CRACD: variants seen among roughly 807,000 people sequenced by gnomAD.
The protein encoded by CRACD is capping protein-inhibiting regulator of actin dynamics.
A neutral mutation model predicts 106.8 loss-of-function variants in CRACD; 56 were observed. That is an observed-to-expected ratio of 0.52 (90% CI 0.42 to 0.66). The LOEUF is 0.66. Among genes scored for constraint, CRACD ranks in the 30% least tolerant of loss-of-function variants. The probability of loss-of-function intolerance (pLI) is 0.00; values close to 1 mark genes in which losing one functional copy is unlikely to be tolerated. For synonymous variants in CRACD, 754 were observed against 670.8 expected (o/e 1.12, Z -1.92); for missense variants, 1,730 against 1,623.2 (o/e 1.07, Z -1.13).
At chr4:56,132,768 T>G (rs988133534) in intron 1 of CRACD, among the ~76,000 whole-genome samples, 12 of 152,198 alleles carry the variant, frequency 7.9e-5, no homozygotes, top group African/African-American at 2.9e-4. Flanking sequence ...ACAGGATGAT[T>G]AGTAGTCGTG....
intron 2 of CRACD, among the ~76,000 whole-genome samples, chr4:56,212,648 TG>T (rs1738465145): frequency 6.6e-6 from 1 of 152,180 alleles, no homozygotes. Flanking sequence ...AATCTTGGCT[TG>T]GGCTCTCAGA....
At chr4:56,318,231 A>G (rs4864577) in intron 8 of CRACD, among the ~76,000 whole-genome samples, 79,858 of 151,944 alleles carry the variant, frequency 0.53, 21,351 homozygotes, top group South Asian at 0.62. Flanking sequence ...TCCTGGGATC[A>G]TGCATCCCTC....
chr4:56,055,912 C>A (rs1266832466), intron 1 of CRACD, among the ~76,000 whole-genome samples: 2 of 152,198 alleles, frequency 1.3e-5, no homozygotes, highest in African/African-American at 2.4e-5. Flanking sequence ...CAGCATGAAT[C>A]TTTCTCATGG....
chr4:56,214,975 G>A (rs1738607176), intron 2 of CRACD, among the ~76,000 whole-genome samples: 1 of 151,852 alleles, frequency 6.6e-6, no homozygotes, highest in Admixed American at 6.6e-5. Context: ...ACTCCAGCCT[G>A]GGCAACAGTG....
At chr4:56,242,843 A>G (rs17807975) in intron 2 of CRACD, among the ~76,000 whole-genome samples, 1 of 151,948 alleles carries the variant, frequency 6.6e-6, no homozygotes, top group African/African-American at 2.4e-5. Flanking sequence ...GAGGGTAGGA[A>G]CGAGGACCCT....
At chr4:56,268,358 A>G (rs1003256626) in intron 2 of CRACD, among the ~76,000 whole-genome samples, 2 of 152,048 alleles carry the variant, frequency 1.3e-5, no homozygotes, top group African/African-American at 2.4e-5. Context: ...TGGGATAATG[A>G]TGTCATAATT....
chr4:56,088,836 C>G (rs1338988191), intron 1 of CRACD, among the ~76,000 whole-genome samples: 1 of 152,184 alleles, frequency 6.6e-6, no homozygotes, highest in Non-Finnish European at 1.5e-5. Context: ...AGCAATTCTC[C>G]TGCCTCAGCC....
At chr4:56,299,894 T>A (rs1453240206) in intron 4 of CRACD, among the ~76,000 whole-genome samples, 1 of 150,530 alleles carries the variant, frequency 6.6e-6, no homozygotes, top group Non-Finnish European at 1.5e-5. Context: ...TAGCTACTGA[T>A]ATGCTGAAGC....
chr4:56,301,608 G>A (rs958610295), intron 4 of CRACD, among the ~76,000 whole-genome samples: 1 of 151,836 alleles, frequency 6.6e-6, no homozygotes, highest in Admixed American at 6.6e-5. Flanking sequence ...CCAGCCCTTC[G>A]AGTTCCTAGA....
intron 8 of CRACD, among the ~76,000 whole-genome samples, chr4:56,319,095 T>A (rs1560541327): frequency 6.6e-6 from 1 of 152,108 alleles, no homozygotes. Flanking sequence ...GTGGAAGGGA[T>A]CATTTAGTTA....
rs141316406 is a variant in CRACD at position 56,137,176 on chromosome 4, A to G, written c.-335-42108A>G. On this transcript the variant is annotated intron_variant, in intron 1 of 10. Transcript: ENST00000682029. ...CAGGCATGTGGTAGTGCATGCCTGTAATCTCGATGACTTGAGCCCCAGAAG... is the reference window on the plus strand; with the variant it reads ...CAGGCATGTGGTAGTGCATGCCTGTGATCTCGATGACTTGAGCCCCAGAAG... Among the ~76,000 whole-genome samples, 34 of 152,186 alleles carry G rather than the reference A, an allele frequency of 2.2e-4. No homozygotes were observed. In the East Asian group the frequency reaches 6.4e-3, roughly 29 times the overall value.
intron 1 of CRACD, among the ~76,000 whole-genome samples, chr4:56,115,745 A>G (rs1446137236): frequency 1.3e-5 from 2 of 152,204 alleles, no homozygotes. Flanking sequence ...AGGACCCAGG[A>G]GAATGCTATT....
chr4:56,180,489 A>T (rs970453549), intron 2 of CRACD, among the ~76,000 whole-genome samples: 1 of 146,246 alleles, frequency 6.8e-6, no homozygotes, highest in Non-Finnish European at 1.5e-5. Flanking sequence ...ACTCCATCTC[A>T]AAATAAATAA....
chr4:56,167,796 G>T (rs1736206759), intron 1 of CRACD, among the ~76,000 whole-genome samples: 1 of 152,166 alleles, frequency 6.6e-6, no homozygotes, highest in Non-Finnish European at 1.5e-5. Flanking sequence ...TGTGACATAT[G>T]TATACACAGT....
intron 1 of CRACD, among the ~76,000 whole-genome samples, chr4:56,134,434 A>G (rs1168577145): frequency 1.3e-5 from 2 of 152,042 alleles, no homozygotes; most frequent in African/African-American, 2.4e-5. Context: ...CTCCCCCGCA[A>G]TTTCATGTGT....
intron 1 of CRACD, among the ~76,000 whole-genome samples, chr4:56,103,155 A>G (rs1256964952): frequency 6.6e-6 from 1 of 152,224 alleles, no homozygotes; most frequent in Non-Finnish European, 1.5e-5. Context: ...GAGTTTTTAA[A>G]AAGCCCATTT....
At chr4:56,182,430 A>G (rs1235794404) in intron 2 of CRACD, among the ~76,000 whole-genome samples, 1 of 148,730 alleles carries the variant, frequency 6.7e-6, no homozygotes, top group East Asian at 1.9e-4. Context: ...AACAACAAAG[A>G]AACAAAAAAA....
At chr4:56,050,665 GA>G (rs1331055009) in intron 1 of CRACD, among the ~76,000 whole-genome samples, 1 of 151,692 alleles carries the variant, frequency 6.6e-6, no homozygotes, top group African/African-American at 2.4e-5. Context: ...TTGCCTATAT[GA>G]AAAAAAATTT....
chr4:56,232,932 T>A (rs569719970), intron 2 of CRACD, among the ~76,000 whole-genome samples: 2 of 151,960 alleles, frequency 1.3e-5, no homozygotes, highest in East Asian at 3.9e-4. Flanking sequence ...TTTCACCATA[T>A]CGAACAGGCT....
Sources: allele counts gnomAD v4.1 joint callset (sites outside exome capture counted in the v4.1 genomes callset), GRCh38; gene constraint gnomAD v4.1.1; transcripts MANE v1.5; gene names NCBI Gene and HGNC (gene_info 2026-07-23, HGNC 2026-07-21).